NRG1: variants seen among roughly 807,000 people sequenced by gnomAD.
NRG1 encodes the protein pro-neuregulin-1, membrane-bound isoform.
In NRG1, 18 loss-of-function variants were observed where a neutral mutation model predicts 63.8. That is an observed-to-expected ratio of 0.28 (90% CI 0.19 to 0.42). The LOEUF (loss-of-function observed/expected upper bound fraction) is 0.42. Ranked by LOEUF, NRG1 falls within the 10% of genes least tolerant of loss-of-function variation. The pLI, the probability that NRG1 is intolerant of heterozygous loss-of-function variation, is 1.00. For missense variants in NRG1, 762 were observed against 814.7 expected (o/e 0.94, Z 0.79); for synonymous variants, 302 against 301.3 (o/e 1.00, Z -0.02).
At chr8:31,940,429 A>G (rs901324487) in intron 1 of NRG1, among the ~76,000 whole-genome samples, 2 of 152,090 alleles carry the variant, frequency 1.3e-5, no homozygotes, top group Admixed American at 6.6e-5. Flanking sequence ...TCATAGCATT[A>G]AATGCTTACA....
intron 1 of NRG1, among the ~76,000 whole-genome samples, chr8:32,385,414 A>G (rs1053454216): frequency 2.0e-5 from 3 of 152,128 alleles, no homozygotes; most frequent in Admixed American, 6.5e-5. Flanking sequence ...TCATTCTCAC[A>G]CTGCCATAAA....
At chr8:32,343,829 T>C (rs889616170) in intron 1 of NRG1, among the ~76,000 whole-genome samples, 2 of 152,216 alleles carry the variant, frequency 1.3e-5, no homozygotes, top group Admixed American at 6.5e-5. Context: ...TTACGCTACA[T>C]TGGATGTCAC....
At chr8:31,741,489 G>A (rs978267372) in intron 1 of NRG1, among the ~76,000 whole-genome samples, 2 of 151,808 alleles carry the variant, frequency 1.3e-5, no homozygotes, top group Non-Finnish European at 2.9e-5. Flanking sequence ...AACCTACAAA[G>A]AAACAATATC....
chr8:31,737,532 AT>A (rs1422328236), intron 1 of NRG1, among the ~76,000 whole-genome samples: 5 of 152,134 alleles, frequency 3.3e-5, no homozygotes, highest in Admixed American at 2.6e-4. Context: ...CCAGGATAGA[AT>A]ATTTGGTACT....
chr8:32,469,243 AAG>A (rs1206505783), intron 1 of NRG1, among the ~76,000 whole-genome samples: 1 of 152,200 alleles, frequency 6.6e-6, no homozygotes, highest in Non-Finnish European at 1.5e-5. Context: ...AAGACATGGA[AAG>A]AGAGATGTTT....
chr8:32,685,478 T>A (rs1251256767), intron 5 of NRG1, among the ~76,000 whole-genome samples: 3 of 152,150 alleles, frequency 2.0e-5, no homozygotes, highest in African/African-American at 7.2e-5. Flanking sequence ...TCCACCACCA[T>A]CACAAGCAAA....
rs574123631 is a variant in NRG1 at position 31,921,042 on chromosome 8, G to T, written c.37+281611G>T. 2.0e-3 allele frequency among the ~76,000 whole-genome samples: 306 copies of T among 152,152 alleles called. 2 individuals are homozygous for T. The highest frequency in any genetic ancestry group is 3.4e-3 in the Non-Finnish European group (234 of 67,998). ...ACATGCTGGTCCTACTAAATTTACA[G>T]GTTAATTTTTAGATAGTTACTAAGA... On this transcript the variant is annotated intron_variant, in intron 1 of 10. Transcript: ENST00000519301.
chr8:31,649,621 T>G (rs1007821625), intron 1 of NRG1, among the ~76,000 whole-genome samples: 12 of 152,096 alleles, frequency 7.9e-5, no homozygotes, highest in Non-Finnish European at 1.3e-4. Flanking sequence ...AACAGCTTAA[T>G]AAAAACAATG....
intron 5 of NRG1, among the ~76,000 whole-genome samples, chr8:32,640,015 T>G (rs1852036059): frequency 6.6e-6 from 1 of 152,204 alleles, no homozygotes; most frequent in African/African-American, 2.4e-5. Context: ...TTTGTTACAT[T>G]TGCCAGAAGA....
intron 1 of NRG1, among the ~76,000 whole-genome samples, chr8:31,674,495 G>A (rs1807475744): frequency 6.6e-6 from 1 of 151,390 alleles, no homozygotes; most frequent in Non-Finnish European, 1.5e-5. Flanking sequence ...ATGGTGTCCT[G>A]TGAAACACAG....
At chr8:31,923,841 C>T (rs1226018195) in intron 1 of NRG1, among the ~76,000 whole-genome samples, 3 of 152,066 alleles carry the variant, frequency 2.0e-5, no homozygotes, top group Non-Finnish European at 4.4e-5. Context: ...CACCAAGCAA[C>T]CTTCCATCAT....
At chr8:32,275,825 C>T (rs1335423498) in intron 1 of NRG1, among the ~76,000 whole-genome samples, 2 of 150,738 alleles carry the variant, frequency 1.3e-5, no homozygotes, top group South Asian at 2.1e-4. Context: ...CTGCCTCTAC[C>T]GTTCCCCAGA....
intron 1 of NRG1, among the ~76,000 whole-genome samples, chr8:32,146,046 A>C (rs1836836405): frequency 6.6e-6 from 1 of 152,202 alleles, no homozygotes; most frequent in Admixed American, 6.5e-5. Context: ...GAGTTTCTGT[A>C]CCTGGAAATT....
At chr8:32,502,508 G>A (rs1156894527) in intron 1 of NRG1, among the ~76,000 whole-genome samples, 1 of 147,122 alleles carries the variant, frequency 6.8e-6, no homozygotes, top group Non-Finnish European at 1.5e-5. Context: ...CCTAGCCAGC[G>A]TGGCCACACA....
chr8:31,646,514 C>A (rs574028048), intron 1 of NRG1, among the ~76,000 whole-genome samples: 2 of 152,146 alleles, frequency 1.3e-5, no homozygotes, highest in East Asian at 1.9e-4. Context: ...AAAATGCATA[C>A]CAGTAATACT....
intron 1 of NRG1, among the ~76,000 whole-genome samples, chr8:31,937,007 C>T (rs896202500): frequency 6.6e-6 from 1 of 152,194 alleles, no homozygotes; most frequent in African/African-American, 2.4e-5. Context: ...GGGAAGACTT[C>T]TTACTCAGAG....
At chr8:32,150,818 A>G (rs1236245276) in intron 1 of NRG1, among the ~76,000 whole-genome samples, 1 of 152,132 alleles carries the variant, frequency 6.6e-6, no homozygotes, top group Non-Finnish European at 1.5e-5. Flanking sequence ...GCCCATACCC[A>G]ATAAACATAC....
At chr8:32,452,191 A>C (rs1449105342) in intron 1 of NRG1, among the ~76,000 whole-genome samples, 1 of 152,224 alleles carries the variant, frequency 6.6e-6, no homozygotes, top group African/African-American at 2.4e-5. Context: ...AACTACAATG[A>C]TAATAAGACA....
chr8:31,932,613 A>C (rs1834958076), intron 1 of NRG1, among the ~76,000 whole-genome samples: 1 of 152,220 alleles, frequency 6.6e-6, no homozygotes, highest in South Asian at 2.1e-4. Context: ...TGCTCATCAA[A>C]AATGAGTATG....
Sources: allele counts gnomAD v4.1 joint callset (sites outside exome capture counted in the v4.1 genomes callset), GRCh38; gene constraint gnomAD v4.1.1; transcripts MANE v1.5; gene names NCBI Gene and HGNC (gene_info 2026-07-23, HGNC 2026-07-21).